ATM: variants seen among roughly 807,000 people sequenced by gnomAD.
ATM encodes the protein ATM serine/threonine kinase, also known as serine-protein kinase ATM.
A neutral mutation model predicts 387.0 loss-of-function variants in ATM; 308 were observed. That is an observed-to-expected ratio of 0.80 (90% CI 0.73 to 0.87). ATM has a LOEUF of 0.87. ATM is among the 40% of genes least tolerant of loss of function. The pLI is 0.00. For synonymous variants in ATM, 1,156 were observed against 1,187.3 expected (o/e 0.97, Z 0.54); for missense variants, 3,312 against 3,560.9 (o/e 0.93, Z 1.78).
Position 108,227,901 on chromosome 11 carries a change from A to G in ATM, c.185+13A>G. On this transcript the variant is annotated intron_variant, in intron 3 of 62. Coordinates refer to ENST00000675843, the MANE Select transcript of ATM (RefSeq NM_000051.4). Reference sequence around the variant, plus strand: ...ATGCTGTTTTTAGGTATTCTATTCAAATTTATTTTACTGTCTTTATTTTTC... The same window carrying G: ...ATGCTGTTTTTAGGTATTCTATTCAGATTTATTTTACTGTCTTTATTTTTC... 6.3e-7 allele frequency: 1 copy of G among 1,584,164 alleles called. No homozygotes were observed. The highest frequency in any genetic ancestry group is 2.2e-5 in the East Asian group (1 of 44,632).
At chr11:108,258,324 G>C (rs1474396261) in intron 15 of ATM, among the ~76,000 whole-genome samples, 1 of 152,136 alleles carries the variant, frequency 6.6e-6, no homozygotes, top group Non-Finnish European at 1.5e-5. Context: ...GAATTTTTCT[G>C]AGATTGCCTT....
Position 108,333,942 on chromosome 11 carries a change from G to A in ATM, c.7984G>A (p.Val2662Ile), listed in dbSNP as rs1315805984. 3 of 1,611,132 alleles carry A rather than the reference G, an allele frequency of 1.9e-6. No individual in the cohort carries two copies. In the African/African-American group the frequency reaches 4.0e-5, roughly 22 times the overall value. Residue 2662 changes from valine to isoleucine, a missense_variant, in exon 54 of 63, where the codon GTT becomes ATT. Val to Ile is a conservative substitution (Grantham distance 29, BLOSUM62 3). Around this residue, in one of 4 missense-constraint regions of ATM, gnomAD observed 1,405 missense variants for 1,604.4 expected, o/e 0.88. Coordinates refer to ENST00000675843, the MANE Select transcript of ATM (RefSeq NM_000051.4). Reference protein sequence around the residue: ...PITKLKNLEDVVVPTMEIKVD... With the variant: ...PITKLKNLEDIVVPTMEIKVD... Reference sequence around the variant, plus strand: ...TACTAAACTTAAGAATTTAGAAGATGTTGTTGTCCCTACTATGGAAATTAA... The same window carrying A: ...TACTAAACTTAAGAATTTAGAAGATATTGTTGTCCCTACTATGGAAATTAA...
chr11:108,259,284 T>C (rs2080715251), intron 16 of ATM, among the ~76,000 whole-genome samples: 1 of 152,098 alleles, frequency 6.6e-6, no homozygotes, highest in Admixed American at 6.6e-5. Context: ...GGTCAGGAGA[T>C]TGAGACCATC....
intron 32 of ATM, among the ~76,000 whole-genome samples, chr11:108,296,800 T>G (rs367877106): frequency 1.3e-5 from 2 of 152,180 alleles, no homozygotes; most frequent in South Asian, 2.1e-4. Flanking sequence ...TGAAGTTCAG[T>G]TTTTTCATTG....
At position 108,327,700 on chromosome 11, in the gene ATM, G is replaced by C. The variant is rs1479487529; in HGVS notation, c.7031G>C (p.Trp2344Ser). The C allele has an allele frequency of 6.2e-7, 1 of 1,613,978 alleles. No homozygotes were observed. Among genetic ancestry groups the C allele is most frequent in the Admixed American group, 1.7e-5 (1 of 60,018 alleles). Reference sequence around the variant, plus strand: ...GAATGTCTGAGGGTTTGTGGCAACTGGTTAGCAGAAACGTGCTTAGAAAAT... The same window carrying C: ...GAATGTCTGAGGGTTTGTGGCAACTCGTTAGCAGAAACGTGCTTAGAAAAT... ...YTECLRVCGN[W>S]LAETCLENPA... Residue 2344 changes from tryptophan to serine, a missense_variant, in exon 48 of 63, where the codon TGG becomes TCG. This residue lies in a region of ATM where 1,405 missense variants were observed against 1,604.4 expected (regional missense o/e 0.88). Transcript: ENST00000675843.
intron 61 of ATM, among the ~76,000 whole-genome samples, chr11:108,357,636 C>G (rs2090162886): frequency 1.3e-5 from 2 of 152,210 alleles, no homozygotes; most frequent in Middle Eastern, 6.8e-3. Flanking sequence ...GGTTCCTGAC[C>G]CCTGACCCCC....
intron 26 of ATM, 37 bp downstream of exon 26, chr11:108,284,510 AATG>A (rs2082392180): frequency 6.2e-7 from 1 of 1,610,552 alleles, no homozygotes; most frequent in African/African-American, 1.3e-5. Flanking sequence ...TCATTCCCTG[AATG>A]ATATGAGATA....
intron 20 of ATM, 132 bp downstream of exon 20, chr11:108,271,538 T>C: frequency 2.6e-6 from 3 of 1,140,404 alleles, no homozygotes; most frequent in Non-Finnish European, 3.9e-6. Flanking sequence ...AATAGCAGAA[T>C]GTAATTTGTG....
At chr11:108,350,722 C>G (rs750852534) in intron 59 of ATM, among the ~76,000 whole-genome samples, 58 of 152,072 alleles carry the variant, frequency 3.8e-4, no homozygotes, top group Middle Eastern at 3.2e-3. Flanking sequence ...GGGATCTCAA[C>G]AGAGGAGCCA....
At chr11:108,331,814 A>C in intron 51 of ATM, 65 bp from the exon 52 acceptor site, 10 of 1,567,300 alleles carry the variant, frequency 6.4e-6, no homozygotes, top group Non-Finnish European at 8.8e-6. Flanking sequence ...ATGTTAAGCA[A>C]AATGAAAAAT....
In ATM at chr11:108,247,091, A is replaced by G. The variant is rs778388800; in HGVS notation, c.1029A>G (p.Glu343=). 2 of 1,613,948 alleles carry G rather than the reference A, an allele frequency of 1.2e-6. No individual in the cohort carries two copies. Among genetic ancestry groups the G allele is most frequent in the Admixed American group, 3.3e-5 (2 of 60,024 alleles). The change falls in exon 8 of 63, where the codon GAA becomes GAG. Residue 343 remains glutamate (E), a synonymous_variant. Coordinates refer to ENST00000675843, the MANE Select transcript of ATM (RefSeq NM_000051.4). ...SSGFRNIAVK[E]NLIELMADIC... is the part of the protein sequence containing the mutation. ...GATTTCGTAATATTGCCGTCAAAGA[A>G]AATTTGATTGAATTGATGGCAGATA...
At chr11:108,240,127 T>G (rs978820997) in intron 5 of ATM, among the ~76,000 whole-genome samples, 2 of 152,094 alleles carry the variant, frequency 1.3e-5, no homozygotes, top group African/African-American at 2.4e-5. Context: ...GAGTCCAAGG[T>G]TCACTTTTGG....
intron 59 of ATM, among the ~76,000 whole-genome samples, chr11:108,350,209 G>C (rs529297018): frequency 6.6e-6 from 1 of 152,274 alleles, no homozygotes; most frequent in African/African-American, 2.4e-5. Context: ...TTTTCCAGCA[G>C]TCCTCAACAT....
rs1060501599 is a variant in ATM at position 108,253,854 on chromosome 11, G to T, written c.1939G>T (p.Glu647Ter). Residue 647 changes from glutamate (E) to a stop codon, truncating the protein, a stop_gained, in exon 13 of 63, where the codon GAA (glutamate) becomes TAA (stop). Transcript: ENST00000675843. LOFTEE classifies it high-confidence loss of function. The stretch of plus-strand genomic sequence containing the variant: ...AGATAAAGAAGAACTTTCATTCTCA[G>T]AAGTAGAAGAACTATTTCTTCAGAC... ...QKDKEELSFS[E>*]VEELFLQTTF... 1 of 1,613,898 alleles carries T rather than the reference G, an allele frequency of 6.2e-7. No individual in the cohort carries two copies. Among genetic ancestry groups the T allele is most frequent in the East Asian group, 2.2e-5 (1 of 44,848 alleles).
intron 4 of ATM, among the ~76,000 whole-genome samples, chr11:108,232,924 G>T (rs923441927): frequency 1.3e-5 from 2 of 151,302 alleles, no homozygotes; most frequent in East Asian, 1.9e-4. Flanking sequence ...GTGCAATGGC[G>T]CCATCTTGGC....
chr11:108,338,082 C>G (rs979994591), intron 56 of ATM, among the ~76,000 whole-genome samples: 1 of 152,262 alleles, frequency 6.6e-6, no homozygotes, highest in African/African-American at 2.4e-5. Flanking sequence ...GGCATGGTGG[C>G]CCACGCCTGT....
chr11:108,343,022 C>T (rs2087777480), intron 56 of ATM, among the ~76,000 whole-genome samples, 200 bp from the exon 57 acceptor site: 1 of 152,128 alleles, frequency 6.6e-6, no homozygotes, highest in Non-Finnish European at 1.5e-5. Flanking sequence ...AACATCTAGG[C>T]AGCAGGCTGG....
At chr11:108,287,771 G>A in intron 27 of ATM, 56 bp downstream of exon 27, 1 of 1,267,086 alleles carries the variant, frequency 7.9e-7, no homozygotes. Flanking sequence ...TTTTAAAGAA[G>A]TTTATTGGTT....
chr11:108,334,854 T>C, intron 54 of ATM, 115 bp from the exon 55 acceptor site: 2 of 1,275,544 alleles, frequency 1.6e-6, no homozygotes, highest in African/African-American at 1.5e-5. Flanking sequence ...TTAACCACTA[T>C]CACATCGTCA....
Sources: gnomAD v4.1 joint callset for allele counts (sites outside exome capture counted in the v4.1 genomes callset) on GRCh38, gnomAD v4.1.1 for gene constraint, gnomAD v4.1.1 regional missense constraint, MANE v1.5 for transcripts, NCBI Gene and HGNC (gene_info 2026-07-23, HGNC 2026-07-21) for gene names.